The following MTNR1A variants were observed in gnomAD, a reference collection of about 807,000 sequenced individuals.
MTNR1A encodes melatonin receptor type 1A.
A neutral mutation model predicts 5.5 loss-of-function variants in MTNR1A; 7 were observed. The ratio of observed to expected loss-of-function variants is 1.28; its 90% CI spans 0.73 to 2.40. The LOEUF is 2.40. MTNR1A is among the 30% of genes most tolerant of loss of function. MTNR1A has a pLI of 0.00. For synonymous variants in MTNR1A, 196 were observed against 202.7 expected, an observed-to-expected ratio of 0.97 and a Z score of 0.28; for missense variants, 441 against 464.4, an observed-to-expected ratio of 0.95 and a Z score of 0.46.
At chr4:186,549,759 C>T (rs866696538) in intron 1 of MTNR1A, among the ~76,000 whole-genome samples, 4 of 152,184 alleles carry the variant, frequency 2.6e-5, no homozygotes, top group African/African-American at 4.8e-5. Flanking sequence ...GTTTGACCCA[C>T]GCTTAGAACA....
In MTNR1A at chr4:186,534,052, T is replaced by A; in HGVS notation, c.690A>T (p.Lys230Asn). 2.5e-6 allele frequency: 4 copies of A among 1,613,854 alleles called. No homozygotes were observed. Among genetic ancestry groups the A allele is most frequent in the Non-Finnish European group, 3.4e-6 (4 of 1,179,986 alleles). The change falls in exon 2 of 2, where the codon AAA (lysine) becomes AAT (asparagine). Residue 230 changes from lysine to asparagine, a missense_variant. Coordinates refer to ENST00000307161, the MANE Select transcript of MTNR1A (RefSeq NM_005958.4). ...TGACAAAATTCCTGAAGTCCTGTGGTTTCAGTTTGGGTTTGCGGTCAGGTT... is the reference window on the plus strand; with the variant it reads ...TGACAAAATTCCTGAAGTCCTGTGGATTCAGTTTGGGTTTGCGGTCAGGTT... ...RVKPDRKPKL[K>N]PQDFRNFVTM...
chr4:186,547,094 T>TGTTCGTGGGACACACCGTCCACAC (rs1737164998), intron 1 of MTNR1A, among the ~76,000 whole-genome samples: 1 of 10,084 alleles, frequency 9.9e-5, no homozygotes, highest in Non-Finnish European at 2.8e-4. Context: ...CACACCGTCC[T>TGTTCGTGGGACACACCGTCCACAC]CACACCCTGT....
chr4:186,536,439 G>A (rs535802635), intron 1 of MTNR1A, among the ~76,000 whole-genome samples: 2 of 152,190 alleles, frequency 1.3e-5, no homozygotes, highest in Admixed American at 1.3e-4. Context: ...GAGGAAAGGG[G>A]TGCGCTGGAC....
intron 1 of MTNR1A, among the ~76,000 whole-genome samples, chr4:186,542,515 G>T (rs1737048279): frequency 6.6e-6 from 1 of 152,142 alleles, no homozygotes; most frequent in Admixed American, 6.5e-5. Flanking sequence ...CTGATATGTT[G>T]GTGGAATGGC....
rs80008799 is a variant in MTNR1A at position 186,542,108 on chromosome 4, C to G, written c.185-7551G>C. 2.7e-3 allele frequency among the ~76,000 whole-genome samples: 415 copies of G among 152,286 alleles called. 1 individual carries two copies. Among genetic ancestry groups the G allele is most frequent in the African/African-American group, 9.3e-3 (388 of 41,556 alleles). On this transcript the variant is annotated intron_variant, in intron 1 of 1. Transcript: ENST00000307161. ...AGCATCAGATTACTCCTCATGAAAA[C>G]TGATCTGGATGCAGCCACTGCTGCA...
chr4:186,555,319 A>G lies in MTNR1A; in HGVS notation c.47T>C (p.Leu16Pro). The change falls in exon 1 of 2, where the codon CTC becomes CCC. Residue 16 changes from leucine to proline, a missense_variant. Transcript: ENST00000307161. This position sits in a 1 kb window ranked among gnomAD's most constrained non-coding sequence, Gnocchi z 4.1. ...SALPNASQPVLRGDGARPSWL... is the reference protein window; with the variant it reads ...SALPNASQPVPRGDGARPSWL... ...CGAGGGCCGCGCGCCGTCCCCGCGG[A>G]GCACGGGCTGGGAGGCGTTGGGCAG... 1 of 1,546,442 alleles carries G rather than the reference A, an allele frequency of 6.5e-7. No individual in the cohort carries two copies. Among genetic ancestry groups the G allele is most frequent in the Non-Finnish European group, 8.7e-7 (1 of 1,145,650 alleles).
intron 1 of MTNR1A, among the ~76,000 whole-genome samples, chr4:186,539,148 C>T (rs1489648230): frequency 1.4e-5 from 2 of 145,118 alleles, no homozygotes; most frequent in African/African-American, 2.6e-5. Flanking sequence ...ACCCAGAAGG[C>T]GAAGGTTGCA....
At chr4:186,544,358 T>C (rs1737093194) in intron 1 of MTNR1A, among the ~76,000 whole-genome samples, 1 of 152,248 alleles carries the variant, frequency 6.6e-6, no homozygotes, top group African/African-American at 2.4e-5. Flanking sequence ...ATGCTAGATA[T>C]GCCGTTATTA....
At chr4:186,540,593 T>C (rs1260669473) in intron 1 of MTNR1A, among the ~76,000 whole-genome samples, 1 of 152,236 alleles carries the variant, frequency 6.6e-6, no homozygotes, top group South Asian at 2.1e-4. Flanking sequence ...CAAGTGACCA[T>C]GTGATCTGAA....
rs754252013 is a variant in MTNR1A, at chr4:186,533,874, GGCAGCTGTTGAAATACGCCATGTA to G, written c.844_867del (p.Tyr282_Cys289del). 8.7e-6 allele frequency: 14 copies of G among 1,614,044 alleles called. No individual in the cohort carries two copies. Among genetic ancestry groups the G allele is most frequent in the Non-Finnish European group, 1.2e-5 (14 of 1,180,052 alleles). ...AGTAGCCCGTATATAATGGCATTGA[GGCAGCTGTTGAAATACGCCATGTA>G]GTAACTGGCCACAAACAGCCACTCT... On this transcript the variant is annotated inframe_deletion, in exon 2 of 2. Transcript: ENST00000307161.
chr4:186,536,480 A>G (rs1470885806), intron 1 of MTNR1A, among the ~76,000 whole-genome samples: 8 of 152,326 alleles, frequency 5.3e-5, no homozygotes, highest in Admixed American at 3.3e-4. Flanking sequence ...GTGGACGGAC[A>G]GAAGATTTCG....
chr4:186,533,767 G>T lies in MTNR1A; in HGVS notation c.975C>A (p.Asn325Lys). The change falls in exon 2 of 2, where the codon AAC becomes AAA. Residue 325 changes from asparagine to lysine, a missense_variant. Transcript: ENST00000307161. Reference protein sequence around the residue: ...TARVFFVDSSNDVADRVKWKP... With the variant: ...TARVFFVDSSKDVADRVKWKP... ...TCCATTTAACCCTATCGGCCACGTC[G>T]TTAGAGCTGTCCACAAAGAACACCC... The T allele has an allele frequency of 6.2e-7, 1 of 1,614,142 alleles. No individual in the cohort carries two copies.
intron 1 of MTNR1A, among the ~76,000 whole-genome samples, chr4:186,541,325 G>T (rs1356666408): frequency 6.6e-6 from 1 of 152,184 alleles, no homozygotes; most frequent in Non-Finnish European, 1.5e-5. Context: ...CCTGGAAGGA[G>T]AGAGGGCCAC....
intron 1 of MTNR1A, among the ~76,000 whole-genome samples, chr4:186,546,126 G>A (rs980225488): frequency 1.3e-5 from 2 of 152,176 alleles, no homozygotes; most frequent in South Asian, 2.1e-4. Context: ...GCTTAGGGCC[G>A]TGGTGAGGAT....
chr4:186,555,199 T>C lies in MTNR1A; in HGVS notation c.167A>G (p.Lys56Arg), dbSNP rs752979679. 6.9e-6 allele frequency: 11 copies of C among 1,595,114 alleles called. No individual in the cohort carries two copies. The highest frequency in any genetic ancestry group is 5.1e-6 in the Non-Finnish European group (6 of 1,171,490). ...GGCCCTACCTGCGTTCCTGAGCTTC[T>C]TGTTCCGATACACCGACAGGATGAC... Reference protein sequence around the residue: ...LLVILSVYRNKKLRNAGNIFV... With the variant: ...LLVILSVYRNRKLRNAGNIFV... The change falls in exon 1 of 2, where the codon AAG (lysine) becomes AGG (arginine). Residue 56 changes from lysine to arginine, a missense_variant. Physicochemically the swap from Lys to Arg is conservative, Grantham distance 26. Transcript: ENST00000307161. The surrounding 1 kb of genome is among the most constrained non-coding windows in gnomAD (Gnocchi z 4.1).
At chr4:186,546,470 C>A (rs889643265) in intron 1 of MTNR1A, among the ~76,000 whole-genome samples, 8 of 152,108 alleles carry the variant, frequency 5.3e-5, no homozygotes, top group African/African-American at 1.9e-4. Context: ...TTGGTGACTC[C>A]TTCTCCCAGC....
intron 1 of MTNR1A, among the ~76,000 whole-genome samples, chr4:186,552,323 G>A (rs958997350): frequency 7.2e-5 from 11 of 152,146 alleles, no homozygotes; most frequent in Non-Finnish European, 1.5e-4. Context: ...GGCACTCTAA[G>A]TTAGAACAAA....
At chr4:186,553,794 G>A (rs1737311946) in intron 1 of MTNR1A, among the ~76,000 whole-genome samples, 1 of 152,226 alleles carries the variant, frequency 6.6e-6, no homozygotes, top group African/African-American at 2.4e-5. Flanking sequence ...TTACAGGCTT[G>A]AGCCATCGCG....
At chr4:186,536,775 A>T (rs889237114) in intron 1 of MTNR1A, among the ~76,000 whole-genome samples, 1 of 152,262 alleles carries the variant, frequency 6.6e-6, no homozygotes, top group African/African-American at 2.4e-5. Context: ...ATTCATCCAA[A>T]TTAAAGTTAC....
Sources: gnomAD v4.1 joint callset for allele counts (sites outside exome capture counted in the v4.1 genomes callset) on GRCh38, gnomAD v4.1.1 for gene constraint, Gnocchi (gnomAD v3.1) non-coding constraint, MANE v1.5 for transcripts, NCBI Gene and HGNC (gene_info 2026-07-23, HGNC 2026-07-21) for gene names.